NBPF12: variants seen among roughly 807,000 people sequenced by gnomAD.
NBPF12 encodes NBPF family member NBPF12.
A neutral mutation model predicts 146.4 loss-of-function variants in NBPF12; 115 were observed. The observed-to-expected ratio is 0.79, with a 90% confidence interval of 0.68 to 0.92. The LOEUF (loss-of-function observed/expected upper bound fraction) is 0.92. NBPF12 is among the 40% of genes least tolerant of loss of function. The pLI is 0.00. For synonymous variants in NBPF12, 385 were observed against 508.9 expected (o/e 0.76, Z 3.28); for missense variants, 1,205 against 1,326.8 (o/e 0.91, Z 1.43).
chr1:146,964,607 C>T (rs1553885289), intron 7 of NBPF12, among the ~76,000 whole-genome samples, 178 bp downstream of exon 10: 3 of 151,888 alleles, frequency 2.0e-5, no homozygotes, highest in Admixed American at 1.3e-4. Flanking sequence ...CTATGTGTGC[C>T]AAGTGTCATG....
chr1:146,980,525 C>G (rs2101899582), intron 19 of NBPF12, among the ~76,000 whole-genome samples: 1 of 151,754 alleles, frequency 6.6e-6, no homozygotes, highest in Admixed American at 6.6e-5. Context: ...GACAAAATCT[C>G]TCAGCATTTG....
At chr1:146,941,078 G>A (rs1160237817) in intron 1 of NBPF12, among the ~76,000 whole-genome samples, 1 of 151,856 alleles carries the variant, frequency 6.6e-6, no homozygotes, top group African/African-American at 2.4e-5. Flanking sequence ...CATGAATGGA[G>A]ATTCTCTAAT....
intron 8 of NBPF12, 95 bp downstream of exon 11, chr1:146,965,199 TAGTC>T: frequency 2.4e-6 from 2 of 819,094 alleles, no homozygotes; most frequent in East Asian, 2.4e-5. Context: ...GTTATTGTTT[TAGTC>T]AGAAACTAGG....
chr1:146,989,422 A>G (rs1658005303), intron 27 of NBPF12, among the ~76,000 whole-genome samples, 152 bp from the exon 31 acceptor site: 1 of 151,488 alleles, frequency 6.6e-6, no homozygotes, highest in African/African-American at 2.4e-5. Flanking sequence ...GCCCTGTTCT[A>G]TCCCAACATA....
intron 1 of NBPF12, among the ~76,000 whole-genome samples, chr1:146,939,263 G>A (rs1236815355): frequency 1.3e-5 from 2 of 152,098 alleles, no homozygotes; most frequent in Non-Finnish European, 2.9e-5. Context: ...GGACGGAGCA[G>A]CTTCGGGGGC....
chr1:146,983,913 ATAAC>A (rs1657542750), intron 20 of NBPF12, among the ~76,000 whole-genome samples: 7 of 146,320 alleles, frequency 4.8e-5, no homozygotes, highest in Non-Finnish European at 9.0e-5. Context: ...CATAGGGAAG[ATAAC>A]ATTCCAACAC....
chr1:146,950,622 C>G lies in NBPF12; in HGVS notation c.-325-726C>G, dbSNP rs879134212. On this transcript the variant is annotated intron_variant, in intron 1 of 33. Coordinates refer to ENST00000617844, the Ensembl canonical transcript of NBPF12. ...TATTATTTATCATTTTTCTCACACT[C>G]TTTTGCGTATGGCTCCTATTGCACT... Among the ~76,000 whole-genome samples, 432 of 151,908 alleles carry G rather than the reference C, an allele frequency of 2.8e-3. 1 individual carries two copies. The highest frequency in any genetic ancestry group is 9.5e-3 in the African/African-American group (390 of 41,200).
Position 146,972,969 on chromosome 1 carries a change from T to G in NBPF12, c.1801+9T>G, listed in dbSNP as rs1656751213. On this transcript the variant is annotated intron_variant, in intron 14 of 33. Transcript: ENST00000617844. ...GCAGCAGAACAAATACAGTAAGATC[T>G]ATATGCTCACCATCATGAAAGTGAT... The G allele has an allele frequency of 6.6e-6, 6 of 909,774 alleles. 1 individual carries two copies. In the Admixed American group the frequency reaches 1.0e-4, roughly 15 times the overall value. The allele number at this position is 909,774 out of a possible 1,614,324, so 56.4% of individuals were successfully genotyped here. A position where few individuals can be genotyped will look rare whatever the true frequency, so the allele number is the denominator to read the frequency against.
chr1:146,954,324 A>C (rs1252432929), intron 2 of NBPF12, among the ~76,000 whole-genome samples: 1 of 114,950 alleles, frequency 8.7e-6, no homozygotes, highest in Non-Finnish European at 1.7e-5. Flanking sequence ...TGGGAGGCAG[A>C]GGTTACAGTG....
chr1:146,954,718 C>G (rs1655486204), intron 2 of NBPF12, among the ~76,000 whole-genome samples: 1 of 149,684 alleles, frequency 6.7e-6, no homozygotes, highest in East Asian at 1.9e-4. Context: ...AATTCACTAC[C>G]TATTTCCAGA....
upstream of NBPF12, among the ~76,000 whole-genome samples, chr1:146,945,074 T>G (rs1425501451): frequency 9.4e-6 from 1 of 105,914 alleles, no homozygotes; most frequent in Non-Finnish European, 2.0e-5. Context: ...CTTCTTTTCT[T>G]CCTCCCTCCC....
chr1:146,980,727 C>A (rs1162479448), intron 19 of NBPF12, among the ~76,000 whole-genome samples: 1 of 150,110 alleles, frequency 6.7e-6, no homozygotes, highest in Non-Finnish European at 1.5e-5. Flanking sequence ...TGTGGCAATT[C>A]CTCAGGGATC....
intron 8 of NBPF12, among the ~76,000 whole-genome samples, chr1:146,965,741 G>A (rs1268438302): frequency 1.5e-5 from 2 of 134,458 alleles, no homozygotes; most frequent in Admixed American, 8.4e-5. Context: ...GCAGTGAGCC[G>A]AGATTGTGGC....
exon 13 of NBPF12, chr1:146,971,339 T>A: frequency 1.2e-6 from 2 of 1,611,954 alleles, no homozygotes; most frequent in Non-Finnish European, 1.7e-6. Flanking sequence ...CATCTCTGGT[T>A]GTAGACAGAG....
intron 9 of NBPF12, among the ~76,000 whole-genome samples, chr1:146,967,820 A>G (rs1291014792): frequency 6.6e-6 from 1 of 151,066 alleles, no homozygotes; most frequent in Non-Finnish European, 1.5e-5. Context: ...GTTTATTGGC[A>G]CAGAGTAAAC....
chr1:146,994,560 CAT>C lies in NBPF12; in HGVS notation c.4362_4363del (p.Phe1455ProfsTer8). 6.2e-7 allele frequency: 1 copy of C among 1,609,342 alleles called. No homozygotes were observed. Among genetic ancestry groups the C allele is most frequent in the Non-Finnish European group, 8.5e-7 (1 of 1,179,428 alleles). Reference sequence around the variant, plus strand: ...TCCACCTGGTCTTCCAGATGGGAGTCATATTCCCACAATAAGCAGCCCTTACT... The same window carrying C: ...TCCACCTGGTCTTCCAGATGGGAGTCATTCCCACAATAAGCAGCCCTTACT... On this transcript the variant is annotated frameshift_variant, in exon 34 of 34. Transcript: ENST00000617844. LOFTEE classifies it high-confidence loss of function.
At chr1:146,946,491 T>C (rs1183471834), upstream of NBPF12, among the ~76,000 whole-genome samples, 2 of 147,694 alleles carry the variant, frequency 1.4e-5, no homozygotes, top group Non-Finnish European at 3.0e-5. Context: ...ATCTTATTAA[T>C]GAGGTGTTCA....
At chr1:146,945,027 C>A (rs1654977954), upstream of NBPF12, among the ~76,000 whole-genome samples, 1 of 68,512 alleles carries the variant, frequency 1.5e-5, no homozygotes, top group Admixed American at 1.6e-4. Context: ...TCCCTCCCTT[C>A]CTTCCTCCCT....
At chr1:146,946,538 T>TTA (rs1290025854), upstream of NBPF12, among the ~76,000 whole-genome samples, 1 of 114,864 alleles carries the variant, frequency 8.7e-6, no homozygotes, top group Non-Finnish European at 1.7e-5. Context: ...TTTTTTTTTT[T>TTA]GCTTTGTGTT....
Sources: allele counts gnomAD v4.1 joint callset (sites outside exome capture counted in the v4.1 genomes callset), GRCh38; gene constraint gnomAD v4.1.1; transcripts MANE v1.5; gene names NCBI Gene and HGNC (gene_info 2026-07-23, HGNC 2026-07-21).